The following RASAL2 variants were observed in gnomAD, a reference collection of about 807,000 sequenced individuals.
RASAL2 encodes ras GTPase-activating protein nGAP.
In RASAL2, 58 loss-of-function variants were observed where a neutral mutation model predicts 128.9. The ratio of observed to expected loss-of-function variants is 0.45; its 90% confidence interval spans 0.36 to 0.56. The LOEUF is 0.56. Among genes scored for constraint, RASAL2 ranks in the 20% least tolerant of loss-of-function variants. The probability of loss-of-function intolerance (pLI) is 0.00; values close to 1 mark genes in which losing one functional copy is unlikely to be tolerated. For synonymous variants in RASAL2, 561 were observed against 580.8 expected (o/e 0.97, Z 0.49); for missense variants, 1,360 against 1,601.6 (o/e 0.85, Z 2.57).
intron 1 of RASAL2, among the ~76,000 whole-genome samples, chr1:178,099,628 C>T (rs542631186): frequency 6.6e-6 from 1 of 152,258 alleles, no homozygotes; most frequent in South Asian, 2.1e-4. Flanking sequence ...TTTCCAAAAC[C>T]ATTTGGACTA....
At chr1:178,150,242 T>G (rs1660866362) in intron 1 of RASAL2, among the ~76,000 whole-genome samples, 1 of 152,168 alleles carries the variant, frequency 6.6e-6, no homozygotes, top group Non-Finnish European at 1.5e-5. Context: ...TCATCCAGGC[T>G]GGAGTGCAGC....
At chr1:178,113,470 G>A (rs866175481) in intron 1 of RASAL2, among the ~76,000 whole-genome samples, 1 of 150,554 alleles carries the variant, frequency 6.6e-6, no homozygotes, top group Non-Finnish European at 1.5e-5. Context: ...ATACCAGGCT[G>A]ATTTTGTGTA....
chr1:178,363,980 C>A (rs921483391), intron 3 of RASAL2, among the ~76,000 whole-genome samples: 1 of 151,800 alleles, frequency 6.6e-6, no homozygotes, highest in Non-Finnish European at 1.5e-5. Context: ...CCTGTAGTCC[C>A]AGCTACTCGG....
intron 1 of RASAL2, among the ~76,000 whole-genome samples, chr1:178,147,712 A>G (rs1459128796): frequency 1.3e-5 from 2 of 152,140 alleles, no homozygotes; most frequent in Non-Finnish European, 2.9e-5. Context: ...GAGAAAGTTC[A>G]CCTTACTGAG....
Sources: allele counts gnomAD v4.1 joint callset (sites outside exome capture counted in the v4.1 genomes callset), GRCh38; gene constraint gnomAD v4.1.1; transcripts MANE v1.5; gene names NCBI Gene and HGNC (gene_info 2026-07-23, HGNC 2026-07-21).